Variants in BMERB1 observed in about 807,000 individuals in gnomAD.
BMERB1 encodes bMERB domain containing 1, also known as bMERB domain-containing protein 1.
BMERB1 carries 12 observed loss-of-function variants against 23.6 expected under a neutral mutation model. The observed-to-expected ratio is 0.51, with a 90% CI of 0.33 to 0.82. The LOEUF (loss-of-function observed/expected upper bound fraction) is 0.82, where lower values mean the gene tolerates loss of function less well. BMERB1 is among the 40% of genes least tolerant of loss of function. The pLI is 0.03. For synonymous variants in BMERB1, 122 were observed against 96.6 expected (o/e 1.26, Z -1.54); for missense variants, 247 against 255.4 (o/e 0.97, Z 0.22).
At chr16:15,462,825 G>T (rs1466231887) in intron 1 of BMERB1, among the ~76,000 whole-genome samples, 1 of 152,168 alleles carries the variant, frequency 6.6e-6, no homozygotes, top group Non-Finnish European at 1.5e-5. Context: ...AGTGACTCAG[G>T]TTATTGATTT....
At chr16:15,568,109 CCTGGCCCATCTGT>C in intron 3 of BMERB1, 53 bp downstream of exon 3, 1 of 1,513,750 alleles carries the variant, frequency 6.6e-7, no homozygotes, top group Non-Finnish European at 9.1e-7. Context: ...GGGCCCCCAG[CCTGGCCCATCTGT>C]ACGCCTGGGT....
At chr16:15,501,920 C>T (rs2051534062) in intron 1 of BMERB1, among the ~76,000 whole-genome samples, 1 of 152,176 alleles carries the variant, frequency 6.6e-6, no homozygotes, top group East Asian at 1.9e-4. Flanking sequence ...CCACACCCAG[C>T]CTTTTTTATT....
chr16:15,538,579 C>T (rs1397764663), intron 2 of BMERB1, among the ~76,000 whole-genome samples: 4 of 152,110 alleles, frequency 2.6e-5, no homozygotes, highest in Non-Finnish European at 5.9e-5. Flanking sequence ...TAGAACTGAC[C>T]TTGAGTTATT....
intron 3 of BMERB1, among the ~76,000 whole-genome samples, chr16:15,569,967 A>G (rs1224262637): frequency 6.6e-6 from 1 of 152,210 alleles, no homozygotes; most frequent in Non-Finnish European, 1.5e-5. Flanking sequence ...ACTATAAACT[A>G]AATGTCTCCC....
intron 1 of BMERB1, among the ~76,000 whole-genome samples, chr16:15,465,527 AT>A (rs2051173889): frequency 6.6e-6 from 1 of 151,698 alleles, no homozygotes; most frequent in African/African-American, 2.4e-5. Context: ...CAATTTTTGT[AT>A]TTTTAGTAGA....
At chr16:15,527,180 AT>A (rs535234231) in intron 2 of BMERB1, among the ~76,000 whole-genome samples, 2 of 152,022 alleles carry the variant, frequency 1.3e-5, no homozygotes, top group South Asian at 2.1e-4. Context: ...CCTCCCCAGA[AT>A]TTTTTTCATC....
chr16:15,436,789 GC>G (rs2150919118), intron 1 of BMERB1, among the ~76,000 whole-genome samples: 1 of 151,912 alleles, frequency 6.6e-6, no homozygotes, highest in Non-Finnish European at 1.5e-5. Flanking sequence ...AACAATGGCT[GC>G]CTTTTATTGC....
chr16:15,567,904 C>G, intron 2 of BMERB1, 79 bp from the exon 3 acceptor site: 4 of 1,319,194 alleles, frequency 3.0e-6, no homozygotes, highest in Non-Finnish European at 3.2e-6. Flanking sequence ...TTAATAGCTT[C>G]TTTGTGTTAA....
chr16:15,519,521 G>A (rs1295660106), intron 2 of BMERB1, among the ~76,000 whole-genome samples: 1 of 152,152 alleles, frequency 6.6e-6, no homozygotes, highest in Non-Finnish European at 1.5e-5. Flanking sequence ...CTTCCAAGTA[G>A]CTGAGACTAC....
chr16:15,470,101 GT>G (rs2051216280), intron 1 of BMERB1, among the ~76,000 whole-genome samples: 1 of 152,172 alleles, frequency 6.6e-6, no homozygotes, highest in South Asian at 2.1e-4. Flanking sequence ...CCATTAGGAT[GT>G]TAGCTGTAGT....
chr16:15,518,415 G>C (rs2051801528), intron 2 of BMERB1, among the ~76,000 whole-genome samples: 1 of 152,134 alleles, frequency 6.6e-6, no homozygotes, highest in Non-Finnish European at 1.5e-5. Context: ...GCTCAGCCTT[G>C]TATGGTGTGT....
intron 1 of BMERB1, among the ~76,000 whole-genome samples, chr16:15,464,434 C>G (rs138243735): frequency 6.0e-4 from 91 of 151,994 alleles, no homozygotes; most frequent in African/African-American, 2.0e-3. Context: ...ACTACACTGG[C>G]CAACATAGAG....
intron 2 of BMERB1, among the ~76,000 whole-genome samples, chr16:15,521,970 C>G (rs2051858359): frequency 6.6e-6 from 1 of 152,178 alleles, no homozygotes; most frequent in Non-Finnish European, 1.5e-5. Flanking sequence ...TTCCTTCCAG[C>G]ACTGAATCAC....
At chr16:15,526,727 A>G (rs2150957842) in intron 2 of BMERB1, among the ~76,000 whole-genome samples, 1 of 150,616 alleles carries the variant, frequency 6.6e-6, no homozygotes, top group African/African-American at 2.4e-5. Flanking sequence ...TGGGTGGTAA[A>G]TGATAAAAAT....
chr16:15,515,080 TAAAAA>T (rs2051730163), intron 1 of BMERB1, among the ~76,000 whole-genome samples: 1 of 152,168 alleles, frequency 6.6e-6, no homozygotes, highest in Admixed American at 6.6e-5. Context: ...AGACTCCGTC[TAAAAA>T]CAAAACAAAA....
In BMERB1 at chr16:15,587,550, A is replaced by C. The variant is rs1199024280; in HGVS notation, c.*721A>C. On this transcript the variant is annotated 3_prime_UTR_variant, in exon 6 of 6. Coordinates refer to ENST00000300006, the MANE Select transcript of BMERB1 (RefSeq NM_033201.3). ...CTGGACTGGCATGGATCCAGTGTGC[A>C]GAAGAGCCAGCAGGGAACCGGAAGC... 2.2e-6 allele frequency: 1 copy of C among 453,018 alleles called. No individual in the cohort carries two copies. Among genetic ancestry groups the C allele is most frequent in the Non-Finnish European group, 4.4e-6 (1 of 224,832 alleles). The allele number at this position is 453,018 out of a possible 1,614,324, so 28.1% of individuals were successfully genotyped here.
chr16:15,557,138 C>G (rs371512073), intron 2 of BMERB1, among the ~76,000 whole-genome samples: 1 of 152,108 alleles, frequency 6.6e-6, no homozygotes, highest in African/African-American at 2.4e-5. Context: ...ATCACCTCTC[C>G]GCACCCAACG....
At chr16:15,553,541 A>T (rs946017000) in intron 2 of BMERB1, among the ~76,000 whole-genome samples, 3 of 152,242 alleles carry the variant, frequency 2.0e-5, no homozygotes, top group African/African-American at 7.2e-5. Flanking sequence ...CACTGTCGGG[A>T]AAAACAGCCA....
chr16:15,583,088 C>A, intron 4 of BMERB1, 68 bp from the exon 5 acceptor site: 2 of 1,224,104 alleles, frequency 1.6e-6, no homozygotes, highest in South Asian at 1.2e-5. Context: ...TGGTTTATTT[C>A]ATTGGTTCCT....
Sources: allele counts gnomAD v4.1 joint callset (sites outside exome capture counted in the v4.1 genomes callset), GRCh38; gene constraint gnomAD v4.1.1; transcripts MANE v1.5; gene names NCBI Gene and HGNC (gene_info 2026-07-23, HGNC 2026-07-21).